Variants in DSCAM observed in about 807,000 individuals in gnomAD.
DSCAM encodes the protein DS cell adhesion molecule, also known as cell adhesion molecule DSCAM.
A neutral mutation model predicts 217.7 loss-of-function variants in DSCAM; 47 were observed. The ratio of observed to expected loss-of-function variants is 0.22; its 90% CI spans 0.17 to 0.28. DSCAM has a LOEUF of 0.28. DSCAM is among the 10% of genes least tolerant of loss of function. The probability of loss-of-function intolerance (pLI) is 1.00; values close to 1 mark genes in which losing one functional copy is unlikely to be tolerated. For missense variants in DSCAM, 2,080 were observed against 2,618.3 expected, an observed-to-expected ratio of 0.79 and a Z score of 4.49; for synonymous variants, 1,056 against 1,015.3, an observed-to-expected ratio of 1.04 and a Z score of -0.76.
At chr21:40,197,624 C>T (rs1270845794) in intron 11 of DSCAM, among the ~76,000 whole-genome samples, 1 of 152,184 alleles carries the variant, frequency 6.6e-6, no homozygotes, top group African/African-American at 2.4e-5. Flanking sequence ...CCCATCCCCT[C>T]TCTTCCCTTC....
At chr21:40,480,895 G>T (rs1414210167) in intron 3 of DSCAM, among the ~76,000 whole-genome samples, 4 of 152,104 alleles carry the variant, frequency 2.6e-5, no homozygotes, top group Admixed American at 1.3e-4. Flanking sequence ...AAACATTTTA[G>T]TCAACCTACC....
chr21:40,334,013 C>T (rs1314967332), intron 8 of DSCAM, among the ~76,000 whole-genome samples: 1 of 152,154 alleles, frequency 6.6e-6, no homozygotes, highest in Non-Finnish European at 1.5e-5. Flanking sequence ...ACATTTCAAA[C>T]AGTCCTTGTT....
At chr21:40,245,253 T>C (rs73368143) in intron 11 of DSCAM, among the ~76,000 whole-genome samples, 2,157 of 152,314 alleles carry the variant, frequency 0.014, 55 homozygotes, top group African/African-American at 0.05. Flanking sequence ...GCATTTGGTC[T>C]GGAGAGGCAG....
At chr21:40,222,144 T>C (rs1203937210) in intron 11 of DSCAM, among the ~76,000 whole-genome samples, 2 of 152,216 alleles carry the variant, frequency 1.3e-5, no homozygotes, top group East Asian at 1.9e-4. Flanking sequence ...AATTCGATTT[T>C]AGAAAACTTG....
intron 1 of DSCAM, among the ~76,000 whole-genome samples, chr21:40,735,934 C>T (rs527994841): frequency 3.3e-5 from 5 of 152,286 alleles, no homozygotes; most frequent in East Asian, 1.9e-4. Context: ...CTCCATTCCC[C>T]GAGATTGCCC....
At chr21:40,739,142 T>C (rs1346506988) in intron 1 of DSCAM, among the ~76,000 whole-genome samples, 2 of 152,180 alleles carry the variant, frequency 1.3e-5, no homozygotes, top group Non-Finnish European at 2.9e-5. Flanking sequence ...TCTTATCTTG[T>C]CACCATTCTT....
chr21:40,185,388 G>A (rs746325640), intron 14 of DSCAM, among the ~76,000 whole-genome samples: 2 of 152,154 alleles, frequency 1.3e-5, no homozygotes, highest in South Asian at 2.1e-4. Context: ...CTGGTGCAAC[G>A]CAGGCCCAGC....
intron 3 of DSCAM, among the ~76,000 whole-genome samples, chr21:40,454,327 C>T (rs900798255): frequency 6.6e-6 from 1 of 152,142 alleles, no homozygotes; most frequent in Non-Finnish European, 1.5e-5. Context: ...TTCTTTTGTT[C>T]TTCTGTGAAA....
At chr21:40,508,256 G>GT (rs1460491601) in intron 3 of DSCAM, among the ~76,000 whole-genome samples, 5 of 152,034 alleles carry the variant, frequency 3.3e-5, no homozygotes, top group African/African-American at 1.2e-4. Flanking sequence ...CATTGCTTTT[G>GT]TAACTTTTAG....
intron 18 of DSCAM, among the ~76,000 whole-genome samples, chr21:40,141,370 T>A (rs1222653440): frequency 6.6e-6 from 1 of 152,050 alleles, no homozygotes; most frequent in Non-Finnish European, 1.5e-5. Flanking sequence ...ATCCCAGCAC[T>A]TTGGGAGGCC....
chr21:40,643,181 G>A (rs35232284), intron 3 of DSCAM, among the ~76,000 whole-genome samples: 14,469 of 152,210 alleles, frequency 0.095, 802 homozygotes, highest in Middle Eastern at 0.17. Context: ...GCTACTGCCT[G>A]TAAATACACA....
chr21:40,699,392 T>C (rs777041935), intron 2 of DSCAM, among the ~76,000 whole-genome samples: 1 of 152,184 alleles, frequency 6.6e-6, no homozygotes, highest in African/African-American at 2.4e-5. Context: ...AGTATTCATG[T>C]GAAAGAAATG....
intron 3 of DSCAM, among the ~76,000 whole-genome samples, chr21:40,539,617 T>C (rs2076528149): frequency 6.6e-6 from 1 of 152,110 alleles, no homozygotes; most frequent in South Asian, 2.1e-4. Context: ...ATCAGTGAAA[T>C]GAAATACAGC....
At chr21:40,563,696 ATATG>A (rs1333506219) in intron 3 of DSCAM, among the ~76,000 whole-genome samples, 1 of 51,910 alleles carries the variant, frequency 1.9e-5, no homozygotes, top group Non-Finnish European at 3.7e-5. Flanking sequence ...ATATATAGTT[ATATG>A]TGTGTATATA....
rs879840957 is a variant in DSCAM, at chr21:40,175,805, A to ACACACACACG, written c.2947+3121_2947+3122insCGTGTGTGTG. ...TACACACACACACACACACACACAC[A>ACACACACACG]CACGCACACACACACACACGCACAC... On this transcript the variant is annotated intron_variant, in intron 15 of 32. Transcript: ENST00000400454. 1.0e-3 allele frequency among the ~76,000 whole-genome samples: 115 copies of ACACACACACG among 112,634 alleles called. 1 individual carries two copies. The highest frequency in any genetic ancestry group is 1.9e-3 in the East Asian group (8 of 4,136). 73.9% of individuals were successfully genotyped at this position (112,634 alleles called of 152,430 possible). A position where few individuals can be genotyped will look rare whatever the true frequency, so the allele number is the denominator to read the frequency against.
At chr21:40,801,068 C>T (rs1355130050) in intron 1 of DSCAM, among the ~76,000 whole-genome samples, 1 of 151,842 alleles carries the variant, frequency 6.6e-6, no homozygotes, top group African/African-American at 2.4e-5. Context: ...TCTCCTGCCT[C>T]AGCCTCCCAA....
chr21:40,672,783 CTG>C (rs1222102280), intron 3 of DSCAM, among the ~76,000 whole-genome samples: 1 of 152,080 alleles, frequency 6.6e-6, no homozygotes, highest in East Asian at 1.9e-4. Context: ...TCCTTGATGA[CTG>C]TCTTTCTCTC....
chr21:40,760,847 T>A (rs2091325731), intron 1 of DSCAM, among the ~76,000 whole-genome samples: 1 of 152,138 alleles, frequency 6.6e-6, no homozygotes, highest in Admixed American at 6.5e-5. Context: ...TTCTAATACA[T>A]CCCTACCTTC....
chr21:40,379,301 G>T (rs2074996893), intron 3 of DSCAM, among the ~76,000 whole-genome samples: 1 of 152,202 alleles, frequency 6.6e-6, no homozygotes, highest in Non-Finnish European at 1.5e-5. Context: ...TTTGGAAAAA[G>T]ATGTCAGTGG....
Sources: allele counts gnomAD v4.1 joint callset (sites outside exome capture counted in the v4.1 genomes callset), GRCh38; gene constraint gnomAD v4.1.1; transcripts MANE v1.5; gene names NCBI Gene and HGNC (gene_info 2026-07-23, HGNC 2026-07-21).